Variants in IDO2 observed in about 807,000 individuals in gnomAD.
IDO2 encodes indoleamine 2,3-dioxygenase 2, also known as indoleamine 2,3-dioxygenase-like 1 protein.
A neutral mutation model predicts 45.1 loss-of-function variants in IDO2; 46 were observed. The observed-to-expected ratio is 1.02, with a 90% CI of 0.80 to 1.30. IDO2 has a LOEUF of 1.30. IDO2 is among the 50% of genes most tolerant of loss of function. The pLI, the probability that IDO2 is intolerant of heterozygous loss-of-function variation, is 0.00. For missense variants in IDO2, 544 were observed against 491.8 expected (o/e 1.11, Z -1.00); for synonymous variants, 218 against 184.9 (o/e 1.18, Z -1.45).
intron 9 of IDO2, among the ~76,000 whole-genome samples, chr8:40,006,995 A>G (rs1292114613): frequency 1.3e-5 from 2 of 152,138 alleles, no homozygotes; most frequent in Non-Finnish European, 2.9e-5. Flanking sequence ...CTTTGCTTAA[A>G]CAAATTAGCC....
At chr8:40,003,631 A>G (rs952586815) in intron 8 of IDO2, among the ~76,000 whole-genome samples, 5 of 152,164 alleles carry the variant, frequency 3.3e-5, no homozygotes, top group African/African-American at 4.8e-5. Flanking sequence ...TCTAATAATT[A>G]TCAGTAGATT....
chr8:40,003,603 G>A (rs73605103), intron 8 of IDO2, among the ~76,000 whole-genome samples: 6,168 of 152,002 alleles, frequency 0.041, 422 homozygotes, highest in African/African-American at 0.14. Context: ...TAGCACCTTG[G>A]TAAACACTAT....
intron 2 of IDO2, among the ~76,000 whole-genome samples, chr8:39,951,317 C>T (rs1244524723): frequency 1.4e-5 from 2 of 142,196 alleles, no homozygotes; most frequent in Non-Finnish European, 3.0e-5. Flanking sequence ...TTTCTATCGC[C>T]CAGGCTGGAG....
chr8:39,962,196 T>C (rs1193965972), intron 2 of IDO2, among the ~76,000 whole-genome samples: 1 of 152,198 alleles, frequency 6.6e-6, no homozygotes, highest in Admixed American at 6.5e-5. Context: ...GGGCCATAAA[T>C]GGAGCTATTG....
intron 2 of IDO2, among the ~76,000 whole-genome samples, chr8:39,951,783 C>T (rs982194745): frequency 3.9e-5 from 6 of 152,170 alleles, no homozygotes; most frequent in Admixed American, 1.3e-4. Flanking sequence ...GGATTAAATG[C>T]GTACACTGAG....
chr8:39,965,947 T>C (rs1808078257), intron 3 of IDO2, among the ~76,000 whole-genome samples: 1 of 152,096 alleles, frequency 6.6e-6, no homozygotes, highest in South Asian at 2.1e-4. Context: ...ACATTTCTGC[T>C]ATTTTAAGTC....
intron 9 of IDO2, among the ~76,000 whole-genome samples, chr8:40,008,872 C>T (rs1053536312): frequency 3.3e-5 from 5 of 152,140 alleles, no homozygotes; most frequent in Admixed American, 2.0e-4. Flanking sequence ...TGGCCAGTAC[C>T]GAATCCTACA....
intron 4 of IDO2, among the ~76,000 whole-genome samples, chr8:39,980,467 T>A (rs1437071984): frequency 1.3e-5 from 2 of 152,120 alleles, no homozygotes; most frequent in East Asian, 3.9e-4. Flanking sequence ...CTCTTCTGAA[T>A]CATTGCATAA....
intron 3 of IDO2, among the ~76,000 whole-genome samples, chr8:39,972,727 C>A (rs375403466): frequency 2.2e-4 from 33 of 151,048 alleles, no homozygotes; most frequent in African/African-American, 8.0e-4. Context: ...TGTGGCAAAC[C>A]GCCTTGTTTT....
exon 10 of IDO2, chr8:40,013,647 G>A (rs376266427): frequency 1.9e-6 from 3 of 1,613,912 alleles, no homozygotes; most frequent in Non-Finnish European, 2.5e-6. Context: ...CGGCGGGAGT[G>A]CAGCTCAGAG....
intron 2 of IDO2, among the ~76,000 whole-genome samples, chr8:39,961,584 A>G (rs996336484): frequency 1.3e-5 from 2 of 152,072 alleles, no homozygotes; most frequent in Non-Finnish European, 2.9e-5. Context: ...GGCCTCCCCA[A>G]GTGCTGAAAT....
intron 8 of IDO2, among the ~76,000 whole-genome samples, chr8:39,991,565 CTTTTTTTTT>C (rs61354300): frequency 9.7e-6 from 1 of 103,332 alleles, no homozygotes; most frequent in African/African-American, 3.6e-5. Context: ...AGACTCACTT[CTTTTTTTTT>C]TTTTTTTTTT....
intron 3 of IDO2, among the ~76,000 whole-genome samples, chr8:39,974,392 C>A (rs1238870020): frequency 2.0e-5 from 3 of 152,180 alleles, no homozygotes; most frequent in African/African-American, 4.8e-5. Context: ...AAAATAAATT[C>A]ATTCAAGATG....
intron 1 of IDO2, among the ~76,000 whole-genome samples, chr8:39,948,228 G>A (rs969598974): frequency 1.3e-5 from 2 of 152,180 alleles, no homozygotes; most frequent in African/African-American, 2.4e-5. Context: ...ATTTCAAAAA[G>A]TTATTGTGTT....
At chr8:39,945,580 C>G (rs190505078) in intron 1 of IDO2, among the ~76,000 whole-genome samples, 3 of 152,188 alleles carry the variant, frequency 2.0e-5, no homozygotes, top group Non-Finnish European at 4.4e-5. Context: ...TTCAAAAGGG[C>G]TGGTTTCTGT....
chr8:39,954,957 T>G (rs1807868629), intron 2 of IDO2, among the ~76,000 whole-genome samples: 1 of 151,318 alleles, frequency 6.6e-6, no homozygotes, highest in African/African-American at 2.4e-5. Context: ...GTGCCCAGTC[T>G]CCCCCTGTCT....
rs908733696 is a variant in IDO2 at position 39,949,269 on chromosome 8, G to C, written c.99+5G>C. On this transcript the variant is annotated splice_donor_5th_base_variant and intron_variant, in intron 2 of 10. Transcript: ENST00000502986. ...TTTCTTCTTCCAGATTCTCTGGTAA[G>C]GATAGAGCCTTGGTAAGGATAGGTC... The C allele has an allele frequency of 1.9e-6, 3 of 1,578,658 alleles. No homozygotes were observed. In the African/African-American group the frequency reaches 4.0e-5, roughly 21 times the overall value.
At chr8:39,978,308 C>T (rs1184359159) in intron 3 of IDO2, among the ~76,000 whole-genome samples, 1 of 152,200 alleles carries the variant, frequency 6.6e-6, no homozygotes, top group African/African-American at 2.4e-5. Context: ...AGATCCAGAT[C>T]AGTCTGTGTC....
chr8:40,013,462 TG>T, intron 9 of IDO2, 102 bp from the exon 10 acceptor site: 1 of 1,167,318 alleles, frequency 8.6e-7, no homozygotes, highest in Non-Finnish European at 1.2e-6. Flanking sequence ...AAATTACCAT[TG>T]AAATCATGTT....
Sources: allele counts gnomAD v4.1 joint callset (sites outside exome capture counted in the v4.1 genomes callset), GRCh38; gene constraint gnomAD v4.1.1; transcripts MANE v1.5; gene names NCBI Gene and HGNC (gene_info 2026-07-23, HGNC 2026-07-21).